PCDHA7: variants seen among roughly 807,000 people sequenced by gnomAD.
The protein encoded by PCDHA7 is protocadherin alpha-7.
A neutral mutation model predicts 57.2 loss-of-function variants in PCDHA7; 37 were observed. The ratio of observed to expected loss-of-function variants is 0.65; its 90% CI spans 0.50 to 0.85. PCDHA7 has a LOEUF of 0.85. Ranked by LOEUF, PCDHA7 falls within the 40% of genes least tolerant of loss-of-function variation. The pLI is 0.00. For synonymous variants in PCDHA7, 553 were observed against 558.8 expected, an observed-to-expected ratio of 0.99 and a Z score of 0.15; for missense variants, 1,188 against 1,241.8, an observed-to-expected ratio of 0.96 and a Z score of 0.65.
intron 1 of PCDHA7, chr5:140,927,699 G>A (rs155361): frequency 0.52 from 840,731 of 1,613,754 alleles, 221,277 homozygotes; most frequent in African/African-American, 0.71. Context: ...GGGAAGTCCA[G>A]TACTCCCTAA....
Position 140,836,599 on chromosome 5 carries a change from T to G in PCDHA7, c.2216T>G (p.Leu739Arg), listed in dbSNP as rs1166723338. The change falls in exon 1 of 4, where the codon CTG becomes CGG. Residue 739 changes from leucine to arginine, a missense_variant. Leu to Arg is a moderately radical substitution (Grantham distance 102, BLOSUM62 -2). This residue lies in a region of PCDHA7 where 892 missense variants were observed against 788.5 expected (regional missense o/e 1.13). Coordinates refer to ENST00000525929, the MANE Select transcript of PCDHA7 (RefSeq NM_018910.3). Reference protein sequence around the residue: ...EGACSLVKPTLVCSSAVGSWS... With the variant: ...EGACSLVKPTRVCSSAVGSWS... ...GCATGTAGTTTGGTAAAGCCCACTC[T>G]GGTGTGCTCCAGCGCGGTGGGGAGC... The G allele has an allele frequency of 8.1e-6, 13 of 1,613,608 alleles. No homozygotes were observed. Among genetic ancestry groups the G allele is most frequent in the Non-Finnish European group, 1.1e-5 (13 of 1,179,806 alleles).
At chr5:140,877,103 C>T (rs782607272) in intron 1 of PCDHA7, 7 of 1,613,552 alleles carry the variant, frequency 4.3e-6, no homozygotes, top group Non-Finnish European at 5.9e-6. Flanking sequence ...GGCGTGCCGC[C>T]TCTGGGCAGC....
Position 140,928,944 on chromosome 5 carries a change from A to C in PCDHA7, c.2356-50005A>C, listed in dbSNP as rs782627710. The C allele has an allele frequency of 6.2e-6, 10 of 1,614,070 alleles. No homozygotes were observed. In the Admixed American group the frequency reaches 1.7e-4, roughly 27 times the overall value. On this transcript the variant is annotated intron_variant, in intron 1 of 3. Transcript: ENST00000525929. ...AGCTTTCTGCCCAGAACTTGTATTTAGTAATTGCCTTGGCTTGTATTTCCT... is the reference window on the plus strand; with the variant it reads ...AGCTTTCTGCCCAGAACTTGTATTTCGTAATTGCCTTGGCTTGTATTTCCT...
intron 1 of PCDHA7, among the ~76,000 whole-genome samples, chr5:140,936,335 A>G (rs1278918836): frequency 2.0e-5 from 3 of 152,176 alleles, no homozygotes; most frequent in South Asian, 2.1e-4. Context: ...AATTTTCTCT[A>G]TCTGCATATA....
At chr5:140,978,455 G>A (rs782473387) in intron 1 of PCDHA7, among the ~76,000 whole-genome samples, 21 of 152,302 alleles carry the variant, frequency 1.4e-4, no homozygotes, top group Non-Finnish European at 2.8e-4. Context: ...GGGCACATCC[G>A]CCCTGGGTCA....
chr5:140,912,860 G>A (rs1554195574), intron 1 of PCDHA7, among the ~76,000 whole-genome samples: 1 of 152,182 alleles, frequency 6.6e-6, no homozygotes, highest in African/African-American at 2.4e-5. Flanking sequence ...CAATTGAAAT[G>A]ATATATGGTT....
chr5:140,881,463 T>C, intron 1 of PCDHA7: 1 of 599,796 alleles, frequency 1.7e-6, no homozygotes, highest in Non-Finnish European at 2.1e-6. Flanking sequence ...CCTTAGAGCA[T>C]TGTTGTGGCT....
At position 140,842,211 on chromosome 5, in the gene PCDHA7, G is replaced by A. The variant is rs141101675; in HGVS notation, c.2355+5473G>A. The A allele has an allele frequency of 5.8e-5, 93 of 1,613,388 alleles. 2 individuals carry two copies. Among genetic ancestry groups the A allele is most frequent in the Non-Finnish European group, 5.4e-5 (64 of 1,179,636 alleles). ...GTTATTGACCACTTTAGCATAGATCGAAATACGGGAGAAATAGTGATTCGG... is the reference window on the plus strand; with the variant it reads ...GTTATTGACCACTTTAGCATAGATCAAAATACGGGAGAAATAGTGATTCGG... On this transcript the variant is annotated intron_variant, in intron 1 of 3. Transcript: ENST00000525929.
chr5:140,877,220 G>C (rs560974692), intron 1 of PCDHA7: 2 of 1,613,740 alleles, frequency 1.2e-6, no homozygotes, highest in East Asian at 2.2e-5. Context: ...TTGGTACCGC[G>C]GTCGGTGGGT....
chr5:140,924,886 A>G (rs190850675), intron 1 of PCDHA7, among the ~76,000 whole-genome samples: 11 of 137,270 alleles, frequency 8.0e-5, no homozygotes, highest in Admixed American at 3.0e-4. Context: ...CAGAGCAAGA[A>G]CCTGTCTCAA....
At chr5:140,843,862 A>C in intron 1 of PCDHA7, 1 of 894,130 alleles carries the variant, frequency 1.1e-6, no homozygotes. Flanking sequence ...TAATTAATTG[A>C]ATTTTCTCAG....
intron 1 of PCDHA7, among the ~76,000 whole-genome samples, chr5:140,912,045 C>T (rs1276989293): frequency 2.0e-5 from 3 of 152,196 alleles, no homozygotes; most frequent in African/African-American, 4.8e-5. Flanking sequence ...AGTCCCAAAG[C>T]TGAAGAACTT....
rs2150289846 is a variant in PCDHA7, at chr5:140,838,476, G to A, written c.2355+1738G>A. On this transcript the variant is annotated intron_variant, in intron 1 of 3. Transcript: ENST00000525929. ...ATTATTTCATTAGCGCTTATTCCTT[G>A]TTTTTGATTATTTGCTTTCTTATTT... Among the ~76,000 whole-genome samples, 461 of 151,412 alleles carry A rather than the reference G, an allele frequency of 3.0e-3. 6 individuals carry two copies. Among genetic ancestry groups the A allele is most frequent in the Middle Eastern group, 0.014 (4 of 294 alleles).
At chr5:140,878,098 A>C in intron 1 of PCDHA7, 1 of 278,310 alleles carries the variant, frequency 3.6e-6, no homozygotes, top group Non-Finnish European at 6.4e-6. Flanking sequence ...TGACTGATGA[A>C]CCTTGAAAAA....
chr5:140,919,607 A>T (rs1357882512), intron 1 of PCDHA7, among the ~76,000 whole-genome samples: 1 of 152,158 alleles, frequency 6.6e-6, no homozygotes. Context: ...ATAAATTTTA[A>T]ACTGTATCTT....
chr5:140,945,992 G>T (rs1271634546), intron 1 of PCDHA7, among the ~76,000 whole-genome samples: 1 of 151,978 alleles, frequency 6.6e-6, no homozygotes, highest in Non-Finnish European at 1.5e-5. Flanking sequence ...CTAATGGATT[G>T]CATCAAACTA....
At chr5:140,966,955 C>T in intron 1 of PCDHA7, 1 of 1,602,734 alleles carries the variant, frequency 6.2e-7, no homozygotes, top group East Asian at 2.2e-5. Context: ...ACGTGGCTCG[C>T]GCGCTGGGGC....
chr5:140,926,797 T>C (rs2153584735), intron 1 of PCDHA7: 2 of 1,450,476 alleles, frequency 1.4e-6, no homozygotes, highest in Admixed American at 2.7e-5. Flanking sequence ...AGGAGCGTGC[T>C]CTTCCCCGCG....
chr5:140,947,625 T>C (rs2094153389), intron 1 of PCDHA7, among the ~76,000 whole-genome samples: 1 of 151,648 alleles, frequency 6.6e-6, no homozygotes, highest in Non-Finnish European at 1.5e-5. Context: ...CAATATTGAG[T>C]CATCAGATCG....
Sources: allele counts gnomAD v4.1 joint callset (sites outside exome capture counted in the v4.1 genomes callset), GRCh38; gene constraint gnomAD v4.1.1; regional missense constraint gnomAD v4.1.1; transcripts MANE v1.5; gene names NCBI Gene and HGNC (gene_info 2026-07-23, HGNC 2026-07-21).